Variants in SLC35F1 observed in about 807,000 individuals in gnomAD.
SLC35F1 encodes solute carrier family 35 member F1.
SLC35F1 carries 14 observed loss-of-function variants against 48.7 expected under a neutral mutation model. The ratio of observed to expected loss-of-function variants is 0.29; its 90% confidence interval spans 0.19 to 0.45. SLC35F1 has a LOEUF of 0.45. Among genes scored for constraint, SLC35F1 ranks in the 20% least tolerant of loss-of-function variants. SLC35F1 has a pLI of 1.00. For synonymous variants in SLC35F1, 190 were observed against 202.2 expected (o/e 0.94, Z 0.51); for missense variants, 404 against 500.0 (o/e 0.81, Z 1.83).
At chr6:118,120,439 C>G (rs1054042474) in intron 1 of SLC35F1, among the ~76,000 whole-genome samples, 5 of 152,098 alleles carry the variant, frequency 3.3e-5, no homozygotes, top group Admixed American at 2.0e-4. Flanking sequence ...CAGGTTGATG[C>G]TTAAAATAAC....
chr6:118,219,889 A>G (rs1193645075), intron 2 of SLC35F1, among the ~76,000 whole-genome samples: 1 of 152,136 alleles, frequency 6.6e-6, no homozygotes, highest in East Asian at 1.9e-4. Flanking sequence ...GGAGCTGGAA[A>G]CCATCATTCT....
intron 1 of SLC35F1, among the ~76,000 whole-genome samples, chr6:117,943,071 T>G (rs757131970): frequency 1.3e-5 from 2 of 152,166 alleles, no homozygotes; most frequent in Non-Finnish European, 2.9e-5. Flanking sequence ...TCCTGTCAAA[T>G]GTACCGATCT....
chr6:118,272,763 A>ATATATG (rs1446783015), intron 4 of SLC35F1, among the ~76,000 whole-genome samples: 3 of 106,312 alleles, frequency 2.8e-5, no homozygotes, highest in African/African-American at 9.6e-5. Context: ...ATATATATAT[A>ATATATG]TGTATATATA....
At chr6:117,934,391 C>T (rs1474936519) in intron 1 of SLC35F1, among the ~76,000 whole-genome samples, 2 of 152,036 alleles carry the variant, frequency 1.3e-5, no homozygotes, top group Non-Finnish European at 2.9e-5. Flanking sequence ...TACTCTGGGA[C>T]AGTATTGGGG....
At chr6:118,075,570 C>T (rs1772806497) in intron 1 of SLC35F1, among the ~76,000 whole-genome samples, 1 of 152,182 alleles carries the variant, frequency 6.6e-6, no homozygotes, top group Non-Finnish European at 1.5e-5. Flanking sequence ...TAATATAGTA[C>T]TTACAGCCCC....
At chr6:118,158,215 A>G (rs1774173925) in intron 2 of SLC35F1, among the ~76,000 whole-genome samples, 1 of 152,232 alleles carries the variant, frequency 6.6e-6, no homozygotes, top group South Asian at 2.1e-4. Context: ...TTTAAGCTTC[A>G]TCTTTAGAAG....
intron 2 of SLC35F1, among the ~76,000 whole-genome samples, chr6:118,219,565 G>A (rs544874633): frequency 1.3e-5 from 2 of 152,114 alleles, no homozygotes; most frequent in Non-Finnish European, 2.9e-5. Context: ...CTGTTGGTGG[G>A]ACTGTAGACC....
chr6:118,052,710 A>G (rs538246660), intron 1 of SLC35F1, among the ~76,000 whole-genome samples: 1 of 152,328 alleles, frequency 6.6e-6, no homozygotes, highest in Non-Finnish European at 1.5e-5. Flanking sequence ...TTCCTAAATT[A>G]AGAGAAAAGC....
intron 1 of SLC35F1, among the ~76,000 whole-genome samples, chr6:118,036,020 T>C (rs921149275): frequency 3.9e-5 from 6 of 152,182 alleles, no homozygotes; most frequent in Non-Finnish European, 7.3e-5. Context: ...TAAAATTATT[T>C]TTCTATCATT....
At chr6:118,007,215 G>A (rs76758861) in intron 1 of SLC35F1, among the ~76,000 whole-genome samples, 2,637 of 152,216 alleles carry the variant, frequency 0.017, 85 homozygotes, top group African/African-American at 0.06. Flanking sequence ...CACGGTGGGG[G>A]AGCTGAGGTC....
At chr6:118,227,446 A>G (rs1775232967) in intron 2 of SLC35F1, among the ~76,000 whole-genome samples, 1 of 152,218 alleles carries the variant, frequency 6.6e-6, no homozygotes, top group Admixed American at 6.5e-5. Context: ...GTGTCTGTTA[A>G]AACTAGAAAT....
At position 118,170,457 on chromosome 6, in the gene SLC35F1, T is replaced by G. The variant is rs558055987; in HGVS notation, c.349+15837T>G. Among the ~76,000 whole-genome samples the G allele has an allele frequency of 2.8e-4, 43 of 152,310 alleles. No homozygotes were observed. The South Asian group carries it at 8.1e-3, about 29-fold the overall frequency. ...TAACCATTTTCTTTTTATTTTTCTT[T>G]GAGACAAGGTATGGCCCTGTCACCC... On this transcript the variant is annotated intron_variant, in intron 2 of 7. Transcript: ENST00000360388.
At chr6:118,210,045 CTG>C (rs768837746) in intron 2 of SLC35F1, among the ~76,000 whole-genome samples, 18 of 152,208 alleles carry the variant, frequency 1.2e-4, no homozygotes, top group Admixed American at 4.6e-4. Context: ...GAAACAATAA[CTG>C]TAGTTTGCTA....
intron 1 of SLC35F1, chr6:117,999,200 G>T: frequency 6.3e-7 from 1 of 1,595,658 alleles, no homozygotes; most frequent in Non-Finnish European, 8.5e-7. Flanking sequence ...CAAGGCCCTC[G>T]TAAAGCCCAA....
At chr6:117,910,938 G>A (rs1407448413) in intron 1 of SLC35F1, among the ~76,000 whole-genome samples, 2 of 152,166 alleles carry the variant, frequency 1.3e-5, no homozygotes, top group East Asian at 3.8e-4. Flanking sequence ...GGTACTTCTT[G>A]CTCTCAAGAA....
intron 1 of SLC35F1, among the ~76,000 whole-genome samples, chr6:118,051,037 T>C (rs370770083): frequency 6.6e-6 from 1 of 152,138 alleles, no homozygotes; most frequent in African/African-American, 2.4e-5. Flanking sequence ...TATACAAAAA[T>C]TGTACATACT....
At chr6:118,120,644 G>C (rs535471715) in intron 1 of SLC35F1, among the ~76,000 whole-genome samples, 6 of 151,996 alleles carry the variant, frequency 3.9e-5, no homozygotes, top group Non-Finnish European at 7.4e-5. Flanking sequence ...TAATGAACAA[G>C]GGCTCAAACC....
At chr6:118,266,223 C>T (rs967429622) in intron 3 of SLC35F1, among the ~76,000 whole-genome samples, 1 of 152,176 alleles carries the variant, frequency 6.6e-6, no homozygotes, top group Non-Finnish European at 1.5e-5. Context: ...CTTCTCATTT[C>T]ACCACATTAT....
intron 1 of SLC35F1, among the ~76,000 whole-genome samples, chr6:117,978,964 C>T (rs570326829): frequency 5.3e-5 from 8 of 152,278 alleles, no homozygotes; most frequent in African/African-American, 1.9e-4. Flanking sequence ...GCATGTGGAG[C>T]TTGCTCTGGT....
Sources: allele counts gnomAD v4.1 joint callset (sites outside exome capture counted in the v4.1 genomes callset), GRCh38; gene constraint gnomAD v4.1.1; transcripts MANE v1.5; gene names NCBI Gene and HGNC (gene_info 2026-07-23, HGNC 2026-07-21).